GOPC: variants seen among roughly 807,000 people sequenced by gnomAD.
GOPC encodes the protein golgi associated PDZ and coiled-coil motif containing.
A neutral mutation model predicts 51.2 loss-of-function variants in GOPC; 32 were observed. The ratio of observed to expected loss-of-function variants is 0.63; its 90% CI spans 0.47 to 0.84. The LOEUF (loss-of-function observed/expected upper bound fraction) is 0.84, where lower values mean the gene tolerates loss of function less well. Ranked by LOEUF, GOPC falls within the 40% of genes least tolerant of loss-of-function variation. GOPC has a pLI of 0.00. For missense variants in GOPC, 441 were observed against 555.5 expected, an observed-to-expected ratio of 0.79 and a Z score of 2.07; for synonymous variants, 190 against 205.1, an observed-to-expected ratio of 0.93 and a Z score of 0.63.
chr6:117,594,871 T>C (rs1421778235), intron 1 of GOPC, among the ~76,000 whole-genome samples: 2 of 152,220 alleles, frequency 1.3e-5, no homozygotes, highest in Non-Finnish European at 2.9e-5. Context: ...CAGAACACTC[T>C]TTCAAGGCAG....
intron 1 of GOPC, among the ~76,000 whole-genome samples, chr6:117,584,037 AC>A (rs1779996092): frequency 6.6e-6 from 1 of 152,220 alleles, no homozygotes; most frequent in East Asian, 1.9e-4. Context: ...TATTCTCAGT[AC>A]CAGACCTTTA....
chr6:117,566,848 T>G lies in GOPC; in HGVS notation c.1258+6A>C. The G allele has an allele frequency of 6.5e-7, 1 of 1,536,258 alleles. No individual in the cohort carries two copies. Among genetic ancestry groups the G allele is most frequent in the East Asian group, 2.3e-5 (1 of 43,172 alleles). On this transcript the variant is annotated splice_donor_region_variant and intron_variant, in intron 8 of 8. Transcript: ENST00000368498. ...TGTTAATAATAATTTTTAGAGTGAT[T>G]TTTACCTTGTAATACTTTGATTTCC...
rs1387524019 is a variant in GOPC at position 117,592,608 on chromosome 6, C to T, written c.285+9396G>A. ...CCTTCTTCTCTGTGTCTGTGTGTGG[C>T]CTTTTCTGTCTCCTATCAGCACACT... On this transcript the variant is annotated intron_variant, in intron 1 of 8. Transcript: ENST00000368498. Among the ~76,000 whole-genome samples, 4 of 152,086 alleles carry T rather than the reference C, an allele frequency of 2.6e-5. No homozygotes were observed. The South Asian group carries it at 6.2e-4, about 24-fold the overall frequency.
At chr6:117,601,735 A>C (rs1772015226) in intron 1 of GOPC, among the ~76,000 whole-genome samples, 1 of 152,210 alleles carries the variant, frequency 6.6e-6, no homozygotes, top group Admixed American at 6.5e-5. Context: ...TTAATGTAAC[A>C]TGTGCAATGG....
chr6:117,600,195 T>G (rs189565955), intron 1 of GOPC, among the ~76,000 whole-genome samples: 16 of 152,290 alleles, frequency 1.1e-4, no homozygotes, highest in African/African-American at 3.6e-4. Context: ...GGAGGCAGCA[T>G]AGGGTGTCAC....
intron 5 of GOPC, 37 bp downstream of exon 5, chr6:117,573,430 A>C (rs1779835156): frequency 6.3e-7 from 1 of 1,585,310 alleles, no homozygotes; most frequent in African/African-American, 1.4e-5. Flanking sequence ...GAAAGAAAGA[A>C]GAGGCTGGGT....
At chr6:117,563,674 A>G (rs1040507407) in intron 8 of GOPC, among the ~76,000 whole-genome samples, 2 of 151,878 alleles carry the variant, frequency 1.3e-5, no homozygotes, top group African/African-American at 4.8e-5. Context: ...GTGAGCTGAG[A>G]TCGTACCACC....
intron 2 of GOPC, among the ~76,000 whole-genome samples, 192 bp from the exon 3 acceptor site, chr6:117,577,663 T>C (rs1208982194): frequency 1.3e-5 from 2 of 152,132 alleles, no homozygotes; most frequent in African/African-American, 2.4e-5. Flanking sequence ...TTTTGTTTTA[T>C]CAAAATTAGT....
At chr6:117,600,825 C>G (rs12525124) in intron 1 of GOPC, among the ~76,000 whole-genome samples, 1 of 152,262 alleles carries the variant, frequency 6.6e-6, no homozygotes, top group South Asian at 2.1e-4. Context: ...TTAGCACTTT[C>G]TAATCTTTTC....
Position 117,575,223 on chromosome 6 carries a change from C to A in GOPC, c.604G>T (p.Gly202Trp), listed in dbSNP as rs761737348. The A allele has an allele frequency of 3.1e-6, 5 of 1,612,362 alleles. No individual in the cohort carries two copies. The highest frequency in any genetic ancestry group is 4.2e-6 in the Non-Finnish European group (5 of 1,179,612). The change falls in exon 4 of 9, where the codon GGG becomes TGG. Residue 202 changes from glycine (G) to tryptophan (W), a missense_variant. Physicochemically the swap from Gly to Trp is radical, Grantham distance 184. Coordinates refer to ENST00000368498, the MANE Select transcript of GOPC (RefSeq NM_020399.4). ...HIAVLQAEVY[G>W]ARLAAKYLDK... The stretch of plus-strand genomic sequence containing the variant: ...AAGTACTTGGCAGCTAGTCTCGCCC[C>A]ATATACTTCAGCCTGGAGAACAGCT...
chr6:117,601,956 C>G, intron 1 of GOPC, 48 bp downstream of exon 1: 2 of 1,591,924 alleles, frequency 1.3e-6, no homozygotes, highest in Non-Finnish European at 8.6e-7. Flanking sequence ...CTGACGCCAC[C>G]GGGCAGCCTG....
intron 1 of GOPC, among the ~76,000 whole-genome samples, chr6:117,588,277 CT>C (rs965781043): frequency 2.4e-4 from 35 of 146,726 alleles, no homozygotes; most frequent in Non-Finnish European, 2.3e-4. Context: ...CCTCAGCAAA[CT>C]TTTTTTTTTT....
At chr6:117,593,231 C>T (rs760636673) in intron 1 of GOPC, among the ~76,000 whole-genome samples, 2 of 151,922 alleles carry the variant, frequency 1.3e-5, no homozygotes, top group South Asian at 2.1e-4. Flanking sequence ...TAGCAACTGA[C>T]GTGGGCTCCT....
intron 7 of GOPC, among the ~76,000 whole-genome samples, 178 bp from the exon 8 acceptor site, chr6:117,567,212 A>G (rs976050532): frequency 2.0e-5 from 3 of 152,222 alleles, no homozygotes; most frequent in Non-Finnish European, 4.4e-5. Flanking sequence ...ATGTCTGATC[A>G]GCCTCGTGAA....
At chr6:117,575,060 C>A (rs1298263104) in intron 4 of GOPC, 117 bp downstream of exon 4, 3 of 754,012 alleles carry the variant, frequency 4.0e-6, no homozygotes, top group Non-Finnish European at 6.1e-6. Flanking sequence ...GCCTGGGCAA[C>A]AGAGCAAGAC....
At chr6:117,576,270 T>C (rs1779880128) in intron 3 of GOPC, among the ~76,000 whole-genome samples, 1 of 151,998 alleles carries the variant, frequency 6.6e-6, no homozygotes, top group Non-Finnish European at 1.5e-5. Context: ...GACAAACAGA[T>C]GAAAGATTAG....
intron 1 of GOPC, 112 bp downstream of exon 1, chr6:117,601,892 G>T (rs1180711714): frequency 8.3e-7 from 1 of 1,199,102 alleles, no homozygotes; most frequent in Non-Finnish European, 1.2e-6. Context: ...CATCACATTT[G>T]AAGCCCCGGT....
Position 117,566,924 on chromosome 6 carries a change from A to C in GOPC, c.1188T>G (p.Asp396Glu), listed in dbSNP as rs1190062920. Residue 396 changes from aspartate to glutamate, a missense_variant, in exon 8 of 9, where the codon GAT (aspartate) becomes GAG (glutamate). Asp to Glu is a conservative substitution (Grantham distance 45). This residue lies in a region of GOPC where 166 missense variants were observed against 267.0 expected (regional missense o/e 0.62). Transcript: ENST00000368498. ...CAGGGTTACCACCTCCTTCTAACTC[A>C]TCAAGGTACAAACGGTAACGATGTC... ...ESGHRYRLYL[D>E]ELEGGGNPGA... 2 of 1,611,414 alleles carry C rather than the reference A, an allele frequency of 1.2e-6. No homozygotes were observed. The highest frequency in any genetic ancestry group is 4.5e-5 in the East Asian group (2 of 44,732).
intron 8 of GOPC, among the ~76,000 whole-genome samples, chr6:117,565,841 T>TA (rs1009856762): frequency 9.2e-5 from 14 of 152,154 alleles, no homozygotes; most frequent in African/African-American, 3.4e-4. Flanking sequence ...TTCATTCAAG[T>TA]AAAAATTGTC....
Sources: gnomAD v4.1 joint callset for allele counts (sites outside exome capture counted in the v4.1 genomes callset) on GRCh38, gnomAD v4.1.1 for gene constraint, gnomAD v4.1.1 regional missense constraint, MANE v1.5 for transcripts, NCBI Gene and HGNC (gene_info 2026-07-23, HGNC 2026-07-21) for gene names.